Variants in CPPED1 observed in about 807,000 individuals in gnomAD.
CPPED1 encodes serine/threonine-protein phosphatase CPPED1.
A neutral mutation model predicts 28.0 loss-of-function variants in CPPED1; 28 were observed. The ratio of observed to expected loss-of-function variants is 1.00; its 90% confidence interval spans 0.74 to 1.37. CPPED1 has a LOEUF of 1.37. Ranked by LOEUF, CPPED1 falls within the 40% of genes most tolerant of loss-of-function variation. CPPED1 has a pLI of 0.00. For synonymous variants in CPPED1, 198 were observed against 180.2 expected, an observed-to-expected ratio of 1.10 and a Z score of -0.79; for missense variants, 504 against 416.5, an observed-to-expected ratio of 1.21 and a Z score of -1.83.
intron 3 of CPPED1, among the ~76,000 whole-genome samples, chr16:12,692,926 A>G (rs1044724754): frequency 6.6e-6 from 1 of 152,190 alleles, no homozygotes; most frequent in Non-Finnish European, 1.5e-5. Flanking sequence ...GGCCCCTTCT[A>G]TCTGGACAAT....
intron 2 of CPPED1, among the ~76,000 whole-genome samples, chr16:12,713,407 G>A (rs939531928): frequency 4.0e-5 from 6 of 151,850 alleles, no homozygotes; most frequent in African/African-American, 1.5e-4. Flanking sequence ...GCTCTGTCAC[G>A]CAGGCTGGAG....
chr16:12,782,056 TG>T (rs2080534899), intron 1 of CPPED1, among the ~76,000 whole-genome samples: 1 of 151,170 alleles, frequency 6.6e-6, no homozygotes, highest in South Asian at 2.1e-4. Flanking sequence ...AGGCTGGGGG[TG>T]GGGACTCTTT....
At chr16:12,765,614 CAG>C (rs2080433828) in intron 2 of CPPED1, among the ~76,000 whole-genome samples, 1 of 152,168 alleles carries the variant, frequency 6.6e-6, no homozygotes, top group Non-Finnish European at 1.5e-5. Context: ...TGGATGATGA[CAG>C]TGGTATTTCA....
At chr16:12,763,731 G>T (rs983460838) in intron 2 of CPPED1, among the ~76,000 whole-genome samples, 4 of 152,138 alleles carry the variant, frequency 2.6e-5, no homozygotes, top group African/African-American at 9.7e-5. Flanking sequence ...TGACATCACA[G>T]GCCAGTTCTC....
chr16:12,794,713 C>T (rs933831821), intron 1 of CPPED1, among the ~76,000 whole-genome samples: 10 of 152,144 alleles, frequency 6.6e-5, no homozygotes, highest in Non-Finnish European at 8.8e-5. Context: ...AAGTTTCGGT[C>T]GGATCTTAGA....
rs541914252 is a variant in CPPED1, at chr16:12,704,771, T to C, written c.568A>G (p.Ser190Gly). 1 of 1,614,194 alleles carries C rather than the reference T, an allele frequency of 6.2e-7. No homozygotes were observed. Among genetic ancestry groups the C allele is most frequent in the Admixed American group, 1.7e-5 (1 of 60,020 alleles). Residue 190 changes from serine to glycine, a missense_variant, in exon 3 of 4, where the codon AGC becomes GGC. Ser to Gly is a moderately conservative substitution (Grantham distance 56). Transcript: ENST00000381774. ...TGGCAGTGCCGCTGCCTCGCGATGCTCAGCTGCTCGTCCAGCCACTGGTCC... is the reference window on the plus strand; with the variant it reads ...TGGCAGTGCCGCTGCCTCGCGATGCCCAGCTGCTCGTCCAGCCACTGGTCC... The part of the protein sequence containing the change: ...AQDQWLDEQL[S>G]IARQRHCQHA...
chr16:12,692,578 C>T (rs1487410770), intron 3 of CPPED1, among the ~76,000 whole-genome samples: 1 of 152,196 alleles, frequency 6.6e-6, no homozygotes, highest in Non-Finnish European at 1.5e-5. Flanking sequence ...ATGACTCTGC[C>T]TCTAGGACCT....
intron 1 of CPPED1, among the ~76,000 whole-genome samples, chr16:12,784,350 T>A (rs888021704): frequency 1.3e-5 from 2 of 152,176 alleles, no homozygotes; most frequent in Non-Finnish European, 1.5e-5. Flanking sequence ...ACTGAAGCCT[T>A]ATAAGACTCT....
intron 2 of CPPED1, among the ~76,000 whole-genome samples, chr16:12,777,836 T>C (rs1046693716): frequency 8.6e-5 from 13 of 151,712 alleles, no homozygotes; most frequent in Admixed American, 4.6e-4. Context: ...CTATAATAGA[T>C]ATTTATAAGA....
rs1271524241 is a variant in CPPED1 at position 12,719,749 on chromosome 16, A to G, written c.290-14700T>C. ...CAGGAGTTCAAGACCAGCCTGGCCA[A>G]CACGGCAAAAGCCTGTCTCTACTAA... On this transcript the variant is annotated intron_variant, in intron 2 of 3. Coordinates refer to ENST00000381774, the MANE Select transcript of CPPED1 (RefSeq NM_018340.3). Among the ~76,000 whole-genome samples, 3 of 152,164 alleles carry G rather than the reference A, an allele frequency of 2.0e-5. No homozygotes were observed. In the East Asian group the frequency reaches 5.8e-4, roughly 29 times the overall value.
At chr16:12,710,619 T>C (rs1596455614) in intron 2 of CPPED1, among the ~76,000 whole-genome samples, 1 of 152,178 alleles carries the variant, frequency 6.6e-6, no homozygotes, top group Admixed American at 6.5e-5. Context: ...TCAGAGTATA[T>C]GGAGAACTCC....
At chr16:12,740,768 G>C (rs1378242230) in intron 2 of CPPED1, among the ~76,000 whole-genome samples, 1 of 152,190 alleles carries the variant, frequency 6.6e-6, no homozygotes, top group Non-Finnish European at 1.5e-5. Context: ...TGAACAGCAG[G>C]TGCAAGGCCC....
At chr16:12,701,526 G>C (rs532477492) in intron 3 of CPPED1, among the ~76,000 whole-genome samples, 10 of 152,298 alleles carry the variant, frequency 6.6e-5, no homozygotes, top group Admixed American at 5.2e-4. Flanking sequence ...GACAGAGTGA[G>C]AATGTCTCAG....
chr16:12,686,243 T>TAA (rs1567275586), intron 3 of CPPED1, among the ~76,000 whole-genome samples: 2 of 91,560 alleles, frequency 2.2e-5, no homozygotes, highest in African/African-American at 2.8e-4. Context: ...ATATATATAT[T>TAA]TTTTTTTTTG....
At chr16:12,706,236 T>C (rs1475359092) in intron 2 of CPPED1, among the ~76,000 whole-genome samples, 1 of 151,946 alleles carries the variant, frequency 6.6e-6, no homozygotes, top group East Asian at 1.9e-4. Flanking sequence ...CATGTATTCA[T>C]GTATTATGGA....
intron 3 of CPPED1, among the ~76,000 whole-genome samples, chr16:12,680,176 T>A (rs977093446): frequency 6.6e-6 from 1 of 152,184 alleles, no homozygotes; most frequent in East Asian, 1.9e-4. Context: ...CTAAAAATCA[T>A]TTATGACTGC....
chr16:12,746,352 C>T (rs866454859), intron 2 of CPPED1, among the ~76,000 whole-genome samples: 35 of 129,946 alleles, frequency 2.7e-4, no homozygotes, highest in African/African-American at 4.1e-4. Context: ...CCCGCCTAGG[C>T]GACAGAGCAA....
At chr16:12,683,686 T>G (rs897830102) in intron 3 of CPPED1, among the ~76,000 whole-genome samples, 2 of 152,190 alleles carry the variant, frequency 1.3e-5, no homozygotes, top group Non-Finnish European at 1.5e-5. Context: ...CCTGTTGACC[T>G]GTCTGCCTGA....
chr16:12,735,457 A>T (rs1053574945), intron 2 of CPPED1, among the ~76,000 whole-genome samples: 1 of 152,158 alleles, frequency 6.6e-6, no homozygotes, highest in African/African-American at 2.4e-5. Context: ...GGCGCACATT[A>T]CCGTCCCTGG....
Sources: allele counts gnomAD v4.1 joint callset (sites outside exome capture counted in the v4.1 genomes callset), GRCh38; gene constraint gnomAD v4.1.1; transcripts MANE v1.5; gene names NCBI Gene and HGNC (gene_info 2026-07-23, HGNC 2026-07-21).